CD2AP: variants seen among roughly 807,000 people sequenced by gnomAD.
CD2AP encodes the protein CD2-associated protein.
In CD2AP, 46 loss-of-function variants were observed where a neutral mutation model predicts 85.1. That is an observed-to-expected ratio of 0.54 (90% confidence interval 0.43 to 0.69). The LOEUF (loss-of-function observed/expected upper bound fraction) is 0.69. Ranked by LOEUF, CD2AP falls within the 30% of genes least tolerant of loss-of-function variation. The pLI is 0.00. For synonymous variants in CD2AP, 255 were observed against 252.9 expected, an observed-to-expected ratio of 1.01 and a Z score of -0.08; for missense variants, 769 against 729.5, an observed-to-expected ratio of 1.05 and a Z score of -0.62.
intron 5 of CD2AP, among the ~76,000 whole-genome samples, chr6:47,568,565 C>T (rs1768064943): frequency 6.6e-6 from 1 of 152,048 alleles, no homozygotes; most frequent in Non-Finnish European, 1.5e-5. Context: ...CAAGTTGAAA[C>T]CCCGTCTCTA....
intron 16 of CD2AP, among the ~76,000 whole-genome samples, chr6:47,610,971 A>ATATATATATTT: frequency 4.4e-5 from 5 of 112,862 alleles, no homozygotes; most frequent in East Asian, 4.8e-4. Flanking sequence ...ATATATATGT[A>ATATATATATTT]TTTTTTTTTT....
chr6:47,571,683 C>A (rs191017310), intron 5 of CD2AP, among the ~76,000 whole-genome samples: 77 of 152,222 alleles, frequency 5.1e-4, no homozygotes, highest in African/African-American at 1.7e-3. Flanking sequence ...ACATGAGCAG[C>A]TTGTGAAGAA....
At chr6:47,499,838 T>C (rs1278252193) in intron 1 of CD2AP, among the ~76,000 whole-genome samples, 3 of 152,030 alleles carry the variant, frequency 2.0e-5, no homozygotes, top group African/African-American at 7.2e-5. Flanking sequence ...AAGCCATTCT[T>C]CTGCCTCAGC....
At chr6:47,610,293 G>T (rs1021601133) in intron 16 of CD2AP, among the ~76,000 whole-genome samples, 1 of 152,106 alleles carries the variant, frequency 6.6e-6, no homozygotes, top group African/African-American at 2.4e-5. Flanking sequence ...CAAAAGCCCA[G>T]TAGGTAAAAT....
intron 2 of CD2AP, among the ~76,000 whole-genome samples, chr6:47,518,061 G>C (rs1582505290): frequency 6.6e-6 from 1 of 152,208 alleles, no homozygotes; most frequent in East Asian, 1.9e-4. Context: ...GGTGTTGTTG[G>C]GGGAGGTTCT....
At chr6:47,485,229 G>A (rs1049402169) in intron 1 of CD2AP, among the ~76,000 whole-genome samples, 8 of 152,206 alleles carry the variant, frequency 5.3e-5, no homozygotes, top group African/African-American at 1.9e-4. Context: ...CCTTCAGGGG[G>A]TATTCCAGAA....
chr6:47,606,157 T>C lies in CD2AP; in HGVS notation c.1418-8T>C, dbSNP rs760655519. On this transcript the variant is annotated splice_polypyrimidine_tract_variant and splice_region_variant and intron_variant, in intron 13 of 17. Transcript: ENST00000359314. ...TCTTAGTAAATAATGTTTATTTTTA[T>C]TTTCTAGATGTTGTAAATTTTGATG... 1 of 1,403,822 alleles carries C rather than the reference T, an allele frequency of 7.1e-7. No individual in the cohort carries two copies. The highest frequency in any genetic ancestry group is 1.0e-6 in the Non-Finnish European group (1 of 989,196). The allele number at this position is 1,403,822 out of a possible 1,614,324, so 87.0% of individuals were successfully genotyped here. A position where few individuals can be genotyped will look rare whatever the true frequency, so the allele number is the denominator to read the frequency against.
chr6:47,562,926 A>G (rs1767900262), intron 5 of CD2AP: 1 of 622,488 alleles, frequency 1.6e-6, no homozygotes, highest in East Asian at 2.6e-5. Context: ...AAAACCCTAT[A>G]AAGAAATTGG....
chr6:47,583,941 G>C (rs368370766), intron 11 of CD2AP, among the ~76,000 whole-genome samples: 41 of 152,224 alleles, frequency 2.7e-4, no homozygotes, highest in African/African-American at 9.6e-4. Flanking sequence ...AAGTGTTTTG[G>C]ATTTTGGCCT....
intron 11 of CD2AP, among the ~76,000 whole-genome samples, chr6:47,588,942 C>G (rs1369082138): frequency 1.3e-5 from 2 of 152,110 alleles, no homozygotes. Context: ...TACTGATTGT[C>G]TCAGTGTAAT....
chr6:47,507,240 T>C (rs1280015738), intron 2 of CD2AP, among the ~76,000 whole-genome samples: 2 of 152,198 alleles, frequency 1.3e-5, no homozygotes, highest in Non-Finnish European at 2.9e-5. Flanking sequence ...ACATCTACCG[T>C]TAACTTCCCC....
intron 4 of CD2AP, chr6:47,545,149 C>G (rs1352071884): frequency 5.7e-6 from 1 of 176,708 alleles, no homozygotes; most frequent in Non-Finnish European, 1.2e-5. Flanking sequence ...AAAAATAGAT[C>G]ATGGACAGGA....
intron 5 of CD2AP, among the ~76,000 whole-genome samples, chr6:47,568,868 C>T (rs920555148): frequency 2.0e-5 from 3 of 152,078 alleles, no homozygotes; most frequent in Non-Finnish European, 4.4e-5. Flanking sequence ...AAGGAATGGA[C>T]TGAGGAAGAT....
Position 47,479,459 on chromosome 6 carries a change from C to T in CD2AP, c.4+1211C>T, listed in dbSNP as rs564000194. On this transcript the variant is annotated intron_variant, in intron 1 of 17. Coordinates refer to ENST00000359314, the MANE Select transcript of CD2AP (RefSeq NM_012120.3). ...CTTAGACTTTTCTAATTTTATGTTC[C>T]CTTCTCCACCTCCCTCCTTTCAGGT... 2.0e-5 allele frequency among the ~76,000 whole-genome samples: 3 copies of T among 152,232 alleles called. No individual in the cohort carries two copies. In the South Asian group the frequency reaches 6.2e-4, roughly 32 times the overall value.
intron 5 of CD2AP, among the ~76,000 whole-genome samples, chr6:47,572,754 A>G (rs4711884): frequency 0.6 from 91,851 of 151,998 alleles, 28,571 homozygotes; most frequent in Middle Eastern, 0.74. Context: ...GTCCAAGTTT[A>G]TTTATTTGTA....
intron 2 of CD2AP, among the ~76,000 whole-genome samples, chr6:47,515,046 C>T (rs1370809063): frequency 2.0e-5 from 3 of 147,784 alleles, no homozygotes; most frequent in African/African-American, 5.0e-5. Flanking sequence ...AGTGAGAGTC[C>T]GTCTTAAAAA....
intron 1 of CD2AP, among the ~76,000 whole-genome samples, chr6:47,495,458 C>T (rs947552633): frequency 6.6e-6 from 1 of 152,140 alleles, no homozygotes; most frequent in African/African-American, 2.4e-5. Flanking sequence ...TGCCCTCTCG[C>T]CTCCCGAAAG....
At chr6:47,615,637 C>G (rs1769556085) in intron 17 of CD2AP, among the ~76,000 whole-genome samples, 1 of 151,992 alleles carries the variant, frequency 6.6e-6, no homozygotes, top group South Asian at 2.1e-4. Flanking sequence ...TCTAAACACC[C>G]CATGATCCAA....
intron 2 of CD2AP, among the ~76,000 whole-genome samples, chr6:47,512,681 TATC>T (rs1021496231): frequency 6.6e-6 from 1 of 152,212 alleles, no homozygotes; most frequent in African/African-American, 2.4e-5. Context: ...TACAGAATAT[TATC>T]ATTTTGCCAT....
Sources: allele counts gnomAD v4.1 joint callset (sites outside exome capture counted in the v4.1 genomes callset), GRCh38; gene constraint gnomAD v4.1.1; transcripts MANE v1.5; gene names NCBI Gene and HGNC (gene_info 2026-07-23, HGNC 2026-07-21).